The following ERI3 variants were observed in gnomAD, a reference collection of about 807,000 sequenced individuals.
ERI3 encodes the protein ERI1 exoribonuclease family member 3.
Under a neutral mutation model 44.4 loss-of-function variants are expected in ERI3, and 18 were observed. The ratio of observed to expected loss-of-function variants is 0.41; its 90% CI spans 0.28 to 0.60. The LOEUF (loss-of-function observed/expected upper bound fraction) is 0.60. ERI3 is among the 20% of genes least tolerant of loss of function. The pLI, the probability that ERI3 is intolerant of heterozygous loss-of-function variation, is 0.36. For missense variants in ERI3, 294 were observed against 435.5 expected (o/e 0.68, Z 2.89); for synonymous variants, 183 against 164.8 (o/e 1.11, Z -0.84).
rs565468960 is a variant in ERI3 at position 44,242,618 on chromosome 1, G to A, written c.931+5321C>T. Among the ~76,000 whole-genome samples the A allele has an allele frequency of 4.9e-4, 74 of 152,314 alleles. No individual in the cohort carries two copies. The South Asian group carries it at 9.9e-3, about 20-fold the overall frequency. On this transcript the variant is annotated intron_variant, in intron 8 of 8. Transcript: ENST00000372257. ...AGGTGGACACGGTCACTCTGTCAAG[G>A]GATGCAGAGGGGCTTGAGGCTTCCC...
chr1:44,244,051 A>T (rs2154317760), intron 8 of ERI3: 1 of 152,314 alleles, frequency 6.6e-6, no homozygotes, highest in South Asian at 2.1e-4. Flanking sequence ...GTGAAAACTA[A>T]ATTAGTTAAC....
chr1:44,324,582 C>T (rs890325421), intron 3 of ERI3, among the ~76,000 whole-genome samples: 5 of 148,160 alleles, frequency 3.4e-5, no homozygotes, highest in South Asian at 4.4e-4. Context: ...CCCGGGTTCA[C>T]GCCATTCTCC....
At chr1:44,324,665 G>C (rs1035666577) in intron 3 of ERI3, among the ~76,000 whole-genome samples, 1 of 151,946 alleles carries the variant, frequency 6.6e-6, no homozygotes, top group Non-Finnish European at 1.5e-5. Flanking sequence ...TGTGCATTTA[G>C]TAGAGACAGA....
At chr1:44,311,944 G>A (rs1194166507) in intron 5 of ERI3, among the ~76,000 whole-genome samples, 6 of 152,006 alleles carry the variant, frequency 3.9e-5, no homozygotes, top group Non-Finnish European at 8.8e-5. Flanking sequence ...GCATCTCAGA[G>A]CTCATCTTAT....
Position 44,221,527 on chromosome 1 carries a change from CCCTGTCCTGCCCCAT to C in ERI3, c.*16_*30del. The C allele has an allele frequency of 6.3e-7, 1 of 1,589,226 alleles. No homozygotes were observed. Among genetic ancestry groups the C allele is most frequent in the Non-Finnish European group, 8.6e-7 (1 of 1,157,600 alleles). On this transcript the variant is annotated 3_prime_UTR_variant, in exon 9 of 9. Coordinates refer to ENST00000372257, the MANE Select transcript of ERI3 (RefSeq NM_024066.3). This position sits in a 1 kb window ranked among gnomAD's most constrained non-coding sequence, Gnocchi z 5.9. Reference sequence around the variant, plus strand: ...GATTCTGGGCTGGGCCAAACAGCTACCCTGTCCTGCCCCATCCTGTCCTCGGCCAATCAGAACGGC... The same window carrying C: ...GATTCTGGGCTGGGCCAAACAGCTACCCTGTCCTCGGCCAATCAGAACGGC...
chr1:44,247,103 T>C (rs1023030706), intron 8 of ERI3, among the ~76,000 whole-genome samples: 6 of 152,100 alleles, frequency 3.9e-5, no homozygotes, highest in Admixed American at 6.5e-5. Flanking sequence ...CACACACAGA[T>C]TGGTAGCTGC....
intron 6 of ERI3, among the ~76,000 whole-genome samples, chr1:44,291,039 C>T (rs1645496474): frequency 6.6e-6 from 1 of 152,194 alleles, no homozygotes; most frequent in Non-Finnish European, 1.5e-5. Flanking sequence ...CTTCCTCCCC[C>T]ACTGCATCCT....
intron 7 of ERI3, among the ~76,000 whole-genome samples, chr1:44,273,007 G>T (rs74484592): frequency 6.6e-6 from 1 of 152,006 alleles, no homozygotes; most frequent in East Asian, 1.9e-4. Flanking sequence ...TGTCTGTGGC[G>T]TTTTCTGACA....
At chr1:44,229,985 C>A (rs546049609) in intron 8 of ERI3, among the ~76,000 whole-genome samples, 1 of 152,224 alleles carries the variant, frequency 6.6e-6, no homozygotes, top group East Asian at 1.9e-4. Context: ...GGACCACTCA[C>A]GCGACTCCCA....
At chr1:44,301,849 C>A (rs1038739621) in intron 6 of ERI3, among the ~76,000 whole-genome samples, 6 of 152,244 alleles carry the variant, frequency 3.9e-5, no homozygotes, top group Non-Finnish European at 5.9e-5. Flanking sequence ...ACTCTGCTAG[C>A]CACATAGGTG....
At chr1:44,317,267 G>A (rs1646109023) in intron 4 of ERI3, among the ~76,000 whole-genome samples, 2 of 152,162 alleles carry the variant, frequency 1.3e-5, no homozygotes, top group South Asian at 4.1e-4. Context: ...ACTTACTAAT[G>A]AGAGATTTTC....
At chr1:44,343,743 TG>T (rs1335073973) in intron 2 of ERI3, among the ~76,000 whole-genome samples, 2 of 152,180 alleles carry the variant, frequency 1.3e-5, no homozygotes, top group Non-Finnish European at 2.9e-5. Flanking sequence ...TTTATATCAA[TG>T]TTAATTTCCT....
chr1:44,305,794 T>C (rs977107895), intron 6 of ERI3, among the ~76,000 whole-genome samples: 7 of 152,206 alleles, frequency 4.6e-5, no homozygotes, highest in Admixed American at 6.5e-5. Flanking sequence ...GAAGGAACCA[T>C]GGCTTCCGGA....
At chr1:44,353,886 A>G in intron 1 of ERI3, 4 of 984,952 alleles carry the variant, frequency 4.1e-6, no homozygotes, top group Non-Finnish European at 3.6e-6. Context: ...CCTTCCCCCA[A>G]CCCCCACCTC....
At chr1:44,268,188 C>T (rs1645025681) in intron 7 of ERI3, among the ~76,000 whole-genome samples, 1 of 152,162 alleles carries the variant, frequency 6.6e-6, no homozygotes, top group African/African-American at 2.4e-5. Flanking sequence ...TTGACCCATC[C>T]ATCTTCCCTA....
intron 2 of ERI3, among the ~76,000 whole-genome samples, chr1:44,342,926 C>G (rs1433553918): frequency 8.6e-6 from 1 of 115,830 alleles, no homozygotes; most frequent in Non-Finnish European, 1.7e-5. Flanking sequence ...CCAGGCTGGT[C>G]TTAAATTCCT....
chr1:44,305,958 C>T (rs919345389), intron 6 of ERI3, among the ~76,000 whole-genome samples: 16 of 152,220 alleles, frequency 1.1e-4, no homozygotes, highest in Non-Finnish European at 2.2e-4. Flanking sequence ...CTTTACCGGG[C>T]GCATAAAAAG....
At chr1:44,294,644 T>C (rs1645573374) in intron 6 of ERI3, among the ~76,000 whole-genome samples, 1 of 152,246 alleles carries the variant, frequency 6.6e-6, no homozygotes, top group Non-Finnish European at 1.5e-5. Context: ...GCCAGAGCTC[T>C]CTTTCCTAGA....
intron 6 of ERI3, among the ~76,000 whole-genome samples, chr1:44,299,881 C>T (rs1378793464): frequency 6.6e-6 from 1 of 152,178 alleles, no homozygotes; most frequent in South Asian, 2.1e-4. Context: ...TGTTGGATTC[C>T]GCCACAGAAT....
Sources: allele counts gnomAD v4.1 joint callset (sites outside exome capture counted in the v4.1 genomes callset), GRCh38; gene constraint gnomAD v4.1.1; non-coding constraint Gnocchi (gnomAD v3.1); transcripts MANE v1.5; gene names NCBI Gene and HGNC (gene_info 2026-07-23, HGNC 2026-07-21).